The following SYT16 variants were observed in gnomAD, a reference collection of about 807,000 sequenced individuals.
The protein encoded by SYT16 is synaptotagmin-16.
In SYT16, 42 loss-of-function variants were observed where a neutral mutation model predicts 61.4. That is an observed-to-expected ratio of 0.68 (90% confidence interval 0.53 to 0.89). The LOEUF (loss-of-function observed/expected upper bound fraction) is 0.89. Ranked by LOEUF, SYT16 falls within the 40% of genes least tolerant of loss-of-function variation. The pLI, the probability that SYT16 is intolerant of heterozygous loss-of-function variation, is 0.00. For missense variants in SYT16, 804 were observed against 807.3 expected, an observed-to-expected ratio of 1.00 and a Z score of 0.05; for synonymous variants, 314 against 302.3, an observed-to-expected ratio of 1.04 and a Z score of -0.40.
intron 2 of SYT16, among the ~76,000 whole-genome samples, chr14:61,980,061 T>A (rs2052005620): frequency 1.3e-5 from 2 of 152,196 alleles, no homozygotes; most frequent in Non-Finnish European, 2.9e-5. Context: ...TGTCCTGAAA[T>A]AATAGGATAC....
chr14:61,955,999 C>A (rs2050859599), intron 1 of SYT16, among the ~76,000 whole-genome samples: 1 of 151,796 alleles, frequency 6.6e-6, no homozygotes, highest in Non-Finnish European at 1.5e-5. Context: ...TCATAATGGT[C>A]ATTCTAACAG....
At chr14:62,043,241 A>G (rs1400258418) in intron 3 of SYT16, among the ~76,000 whole-genome samples, 1 of 151,990 alleles carries the variant, frequency 6.6e-6, no homozygotes, top group South Asian at 2.1e-4. Flanking sequence ...AGTGATGAGA[A>G]TAAGTATTCT....
At chr14:61,949,171 G>C (rs2050566398) in intron 1 of SYT16, among the ~76,000 whole-genome samples, 1 of 152,168 alleles carries the variant, frequency 6.6e-6, no homozygotes, top group Admixed American at 6.5e-5. Flanking sequence ...AATCATTATA[G>C]TATAAAGGCT....
intron 1 of SYT16, among the ~76,000 whole-genome samples, chr14:61,905,670 G>C (rs986500959): frequency 1.3e-5 from 2 of 152,082 alleles, no homozygotes; most frequent in Non-Finnish European, 2.9e-5. Flanking sequence ...GTTGAAGACA[G>C]CAGGGTCTCT....
intron 1 of SYT16, among the ~76,000 whole-genome samples, chr14:61,858,239 A>C (rs1178276783): frequency 2.0e-5 from 3 of 152,102 alleles, no homozygotes; most frequent in Non-Finnish European, 2.9e-5. Context: ...TCCACATTTC[A>C]ATCAGGGCCT....
chr14:62,022,462 T>C (rs2053947062), intron 3 of SYT16, among the ~76,000 whole-genome samples: 2 of 152,156 alleles, frequency 1.3e-5, no homozygotes, highest in South Asian at 4.1e-4. Flanking sequence ...CTTTGTTTTC[T>C]TAAGCAGTTT....
chr14:61,884,588 A>T (rs1021556800), intron 1 of SYT16, among the ~76,000 whole-genome samples: 2 of 152,198 alleles, frequency 1.3e-5, no homozygotes, highest in Non-Finnish European at 2.9e-5. Flanking sequence ...ACAAAGTTGA[A>T]AAGTTCTTTG....
Position 61,996,573 on chromosome 14 carries a change from T to C in SYT16, c.523+31T>C, listed in dbSNP as rs762344414. The C allele has an allele frequency of 3.1e-5, 48 of 1,554,750 alleles. 1 individual carries two copies. Among genetic ancestry groups the C allele is most frequent in the Non-Finnish European group, 8.7e-7 (1 of 1,154,930 alleles). Reference sequence around the variant, plus strand: ...CTAGCCAGTCATCATTTTCTCTGCGTTCCTCCAAAGAGCATTTCTACTTAT... The same window carrying C: ...CTAGCCAGTCATCATTTTCTCTGCGCTCCTCCAAAGAGCATTTCTACTTAT... On this transcript the variant is annotated intron_variant, in intron 3 of 7. Transcript: ENST00000683842.
chr14:61,928,582 T>G (rs1219307286), intron 1 of SYT16, among the ~76,000 whole-genome samples: 1 of 152,188 alleles, frequency 6.6e-6, no homozygotes, highest in Non-Finnish European at 1.5e-5. Context: ...CCTGATAATT[T>G]TATACCTAGG....
At chr14:61,861,666 A>G (rs1004141133) in intron 1 of SYT16, among the ~76,000 whole-genome samples, 5 of 152,150 alleles carry the variant, frequency 3.3e-5, no homozygotes, top group Admixed American at 2.0e-4. Context: ...TGGCCTCCCA[A>G]CGTGCTGGGA....
intron 1 of SYT16, among the ~76,000 whole-genome samples, chr14:61,858,320 T>C (rs929938473): frequency 2.0e-5 from 3 of 152,004 alleles, no homozygotes; most frequent in Non-Finnish European, 4.4e-5. Context: ...GTTAAGCCAT[T>C]AGAGGAACAA....
chr14:61,837,436 G>A (rs542827446), intron 1 of SYT16, among the ~76,000 whole-genome samples: 96 of 151,610 alleles, frequency 6.3e-4, no homozygotes, highest in African/African-American at 2.2e-3. Context: ...ACAGGGTTTT[G>A]CTATGTTGGC....
chr14:61,937,714 C>T (rs1391724190), intron 1 of SYT16, among the ~76,000 whole-genome samples: 2 of 152,014 alleles, frequency 1.3e-5, no homozygotes, highest in African/African-American at 2.4e-5. Flanking sequence ...GCTTTAGGCA[C>T]CAGGCTTCCC....
At chr14:61,871,722 C>T (rs2047338381) in intron 1 of SYT16, among the ~76,000 whole-genome samples, 1 of 152,178 alleles carries the variant, frequency 6.6e-6, no homozygotes, top group African/African-American at 2.4e-5. Flanking sequence ...GATTCCTTAA[C>T]TTTTTCACAT....
chr14:61,843,099 A>C (rs575357197), intron 1 of SYT16, among the ~76,000 whole-genome samples: 1 of 152,130 alleles, frequency 6.6e-6, no homozygotes, highest in South Asian at 2.1e-4. Context: ...GTATATACCC[A>C]GCAGTGGGAT....
intron 3 of SYT16, among the ~76,000 whole-genome samples, chr14:62,028,714 A>G (rs982736291): frequency 3.3e-5 from 5 of 152,228 alleles, no homozygotes; most frequent in African/African-American, 1.2e-4. Context: ...CTGAGAGACC[A>G]AAGTCTTATG....
At chr14:61,906,767 A>ATCCT (rs2048733468) in intron 1 of SYT16, among the ~76,000 whole-genome samples, 1 of 115,740 alleles carries the variant, frequency 8.6e-6, no homozygotes, top group African/African-American at 3.6e-5. Flanking sequence ...CCGTCCGTCA[A>ATCCT]TCCATCCATC....
At chr14:62,078,519 C>T (rs1350370125) in intron 5 of SYT16, among the ~76,000 whole-genome samples, 5 of 152,158 alleles carry the variant, frequency 3.3e-5, no homozygotes, top group African/African-American at 1.2e-4. Flanking sequence ...CTCAAAAAAG[C>T]AGAGCCTACG....
chr14:62,016,032 G>A (rs79573665), intron 3 of SYT16, among the ~76,000 whole-genome samples: 1,634 of 152,252 alleles, frequency 0.011, 9 homozygotes, highest in Middle Eastern at 0.017. Flanking sequence ...TGGTATCACC[G>A]TTACCGTGAA....
Sources: gnomAD v4.1 joint callset for allele counts (sites outside exome capture counted in the v4.1 genomes callset) on GRCh38, gnomAD v4.1.1 for gene constraint, MANE v1.5 for transcripts, NCBI Gene and HGNC (gene_info 2026-07-23, HGNC 2026-07-21) for gene names.